Variants in PCCA observed in about 807,000 individuals in gnomAD.
PCCA encodes the protein propionyl-CoA carboxylase subunit alpha.
Under a neutral mutation model 101.3 loss-of-function variants are expected in PCCA, and 74 were observed. The ratio of observed to expected loss-of-function variants is 0.73; its 90% CI spans 0.61 to 0.89. The LOEUF (loss-of-function observed/expected upper bound fraction) is 0.89, where lower values mean the gene tolerates loss of function less well. PCCA is among the 40% of genes least tolerant of loss of function. PCCA has a pLI of 0.00. For synonymous variants in PCCA, 294 were observed against 313.6 expected (o/e 0.94, Z 0.66); for missense variants, 891 against 907.0 (o/e 0.98, Z 0.23).
chr13:100,102,080 G>A (rs2047335067), intron 1 of PCCA, among the ~76,000 whole-genome samples: 1 of 151,902 alleles, frequency 6.6e-6, no homozygotes, highest in Non-Finnish European at 1.5e-5. Context: ...AGTGACTACT[G>A]GGAAGTTCTC....
chr13:100,111,362 C>T lies in PCCA; in HGVS notation c.184-479C>T, dbSNP rs545380499. On this transcript the variant is annotated intron_variant, in intron 2 of 23. Transcript: ENST00000376285. ...ATTTTTAGTAGAGATGGGGTTTTAC[C>T]GTGTTGGTCAGGCTGGTCTCGAGCT... Among the ~76,000 whole-genome samples, 12 of 151,502 alleles carry T rather than the reference C, an allele frequency of 7.9e-5. No homozygotes were observed. In the South Asian group the frequency reaches 1.9e-3, roughly 24 times the overall value.
intron 2 of PCCA, among the ~76,000 whole-genome samples, chr13:100,108,342 A>T (rs1256737511): frequency 6.6e-6 from 1 of 152,156 alleles, no homozygotes; most frequent in Non-Finnish European, 1.5e-5. Flanking sequence ...AGGATCCAGG[A>T]TCCTAATTTA....
chr13:100,226,262 T>C (rs1341075555), intron 7 of PCCA, among the ~76,000 whole-genome samples: 2 of 152,200 alleles, frequency 1.3e-5, no homozygotes, highest in Admixed American at 6.5e-5. Flanking sequence ...GGTACAGATA[T>C]AACTCTTACC....
intron 2 of PCCA, among the ~76,000 whole-genome samples, chr13:100,110,973 G>C (rs780045302): frequency 3.9e-4 from 59 of 150,696 alleles, no homozygotes; most frequent in Admixed American, 1.3e-4. Flanking sequence ...TTGGGATTAC[G>C]GGCATGCACC....
At chr13:100,105,844 CAAAAAAAAAAAAAAAAAAAAAA>C (rs71114671) in intron 2 of PCCA, among the ~76,000 whole-genome samples, 1 of 62,506 alleles carries the variant, frequency 1.6e-5, no homozygotes, top group African/African-American at 6.7e-5. Flanking sequence ...GATCCTGTCT[CAAAAAAAAAAAAAAAAAAAAAA>C]AAAAAAAAAA....
At chr13:100,513,103 G>A (rs906778181) in intron 21 of PCCA, among the ~76,000 whole-genome samples, 8 of 152,224 alleles carry the variant, frequency 5.3e-5, no homozygotes, top group African/African-American at 7.2e-5. Context: ...GCCCCATCCC[G>A]GCACGCGCCC....
chr13:100,499,590 T>C (rs1650233129), intron 21 of PCCA, among the ~76,000 whole-genome samples: 1 of 152,220 alleles, frequency 6.6e-6, no homozygotes, highest in Admixed American at 6.5e-5. Context: ...GTTCCAGCCT[T>C]TCATATCCTG....
rs76927944 is a variant in PCCA at position 100,121,362 on chromosome 13, G to T, written c.300+9301G>T. Among the ~76,000 whole-genome samples the T allele has an allele frequency of 3.3e-5, 5 of 151,662 alleles. No homozygotes were observed. In the East Asian group the frequency reaches 9.7e-4, roughly 30 times the overall value. On this transcript the variant is annotated intron_variant, in intron 4 of 23. Transcript: ENST00000376285. Reference sequence around the variant, plus strand: ...TTTAGTAGAGATGGGGTTTCACCATGTTGGCCAGGCTGGTCTCGAACTCCT... The same window carrying T: ...TTTAGTAGAGATGGGGTTTCACCATTTTGGCCAGGCTGGTCTCGAACTCCT...
At chr13:100,524,266 C>G (rs1461736887) in intron 22 of PCCA, among the ~76,000 whole-genome samples, 1 of 152,172 alleles carries the variant, frequency 6.6e-6, no homozygotes, top group Non-Finnish European at 1.5e-5. Flanking sequence ...CAGACTGGGG[C>G]AGGTGTAGTT....
At chr13:100,113,640 G>A (rs924444423) in intron 4 of PCCA, among the ~76,000 whole-genome samples, 2 of 146,596 alleles carry the variant, frequency 1.4e-5, no homozygotes, top group Non-Finnish European at 3.0e-5. Flanking sequence ...GTGCAGTGGT[G>A]CAGTCTTGGC....
chr13:100,404,559 A>AG (rs571890449), intron 19 of PCCA, among the ~76,000 whole-genome samples: 92 of 152,138 alleles, frequency 6.0e-4, no homozygotes, highest in Non-Finnish European at 1.2e-3. Flanking sequence ...ATCTAGAAAG[A>AG]GGGGAGCAGG....
At chr13:100,329,666 C>G (rs1048443774) in intron 16 of PCCA, among the ~76,000 whole-genome samples, 2 of 152,002 alleles carry the variant, frequency 1.3e-5, no homozygotes, top group African/African-American at 4.8e-5. Flanking sequence ...GACAATGAAC[C>G]ATTTCTTGGA....
intron 4 of PCCA, among the ~76,000 whole-genome samples, chr13:100,152,430 T>C (rs2053442779): frequency 6.6e-6 from 1 of 151,730 alleles, no homozygotes; most frequent in Non-Finnish European, 1.5e-5. Context: ...AGCTAGTTCT[T>C]GATAGGTTTA....
At chr13:100,373,217 A>G (rs1456431966) in intron 19 of PCCA, among the ~76,000 whole-genome samples, 1 of 152,204 alleles carries the variant, frequency 6.6e-6, no homozygotes, top group Non-Finnish European at 1.5e-5. Context: ...GAGAAATCCA[A>G]ATCAAACCTG....
chr13:100,090,885 A>C (rs2046218758), intron 1 of PCCA, among the ~76,000 whole-genome samples: 1 of 152,172 alleles, frequency 6.6e-6, no homozygotes, highest in Non-Finnish European at 1.5e-5. Flanking sequence ...GAACTCCAGA[A>C]CCTGTGCTCT....
At chr13:100,123,213 G>T (rs2049589643) in intron 4 of PCCA, among the ~76,000 whole-genome samples, 1 of 152,110 alleles carries the variant, frequency 6.6e-6, no homozygotes, top group Non-Finnish European at 1.5e-5. Flanking sequence ...CTGCCACCAT[G>T]CCTGGCTAGG....
Position 100,249,842 on chromosome 13 carries a change from A to G in PCCA, c.638-7753A>G, listed in dbSNP as rs377230121. ...CTTTAGTGCTAATGTAAATGTCACTATTTTAATTTCAAATTCCAGTTGTTC... is the reference window on the plus strand; with the variant it reads ...CTTTAGTGCTAATGTAAATGTCACTGTTTTAATTTCAAATTCCAGTTGTTC... On this transcript the variant is annotated intron_variant, in intron 8 of 23. Coordinates refer to ENST00000376285, the MANE Select transcript of PCCA (RefSeq NM_000282.4). Among the ~76,000 whole-genome samples the G allele has an allele frequency of 1.3e-3, 192 of 152,270 alleles. 2 individuals are homozygous for G. The Middle Eastern group carries it at 0.017, about 13-fold the overall frequency.
At chr13:100,395,977 C>A (rs1029358829) in intron 19 of PCCA, among the ~76,000 whole-genome samples, 2 of 152,174 alleles carry the variant, frequency 1.3e-5, no homozygotes, top group Admixed American at 6.5e-5. Context: ...CCTCTGTTAT[C>A]TTTAGTTTGT....
chr13:100,094,831 G>T (rs973878834), intron 1 of PCCA, among the ~76,000 whole-genome samples: 1 of 152,068 alleles, frequency 6.6e-6, no homozygotes, highest in Non-Finnish European at 1.5e-5. Flanking sequence ...CAATTGATCC[G>T]CCTGCCTCGG....
Sources: gnomAD v4.1 joint callset for allele counts (sites outside exome capture counted in the v4.1 genomes callset) on GRCh38, gnomAD v4.1.1 for gene constraint, MANE v1.5 for transcripts, NCBI Gene and HGNC (gene_info 2026-07-23, HGNC 2026-07-21) for gene names.